FRMPD4: variants seen among roughly 807,000 people sequenced by gnomAD.
FRMPD4 encodes FERM and PDZ domain containing 4.
In FRMPD4, 22 loss-of-function variants were observed where a neutral mutation model predicts 94.1. The ratio of observed to expected loss-of-function variants is 0.23; its 90% CI spans 0.17 to 0.33. FRMPD4 has a LOEUF of 0.33. Ranked by LOEUF, FRMPD4 falls within the 10% of genes least tolerant of loss-of-function variation. The probability of loss-of-function intolerance (pLI) is 1.00; values close to 1 mark genes in which losing one functional copy is unlikely to be tolerated. For synonymous variants in FRMPD4, 631 were observed against 548.6 expected (o/e 1.15, Z -2.10); for missense variants, 1,111 against 1,339.9 (o/e 0.83, Z 2.67).
Position 12,231,143 on chromosome X carries a change from G to A in FRMPD4, c.41+92131G>A, listed in dbSNP as rs1025937721. 8.9e-5 allele frequency among the ~76,000 whole-genome samples: 8 copies of A among 89,704 alleles called. No homozygotes were observed. In the South Asian group the frequency reaches 1.7e-3, roughly 19 times the overall value. The allele number at this position is 89,704 out of a possible 115,157, so 77.9% of individuals were successfully genotyped here. On this transcript the variant is annotated intron_variant, in intron 1 of 16. Coordinates refer to ENST00000675598, the MANE Select transcript of FRMPD4 (RefSeq NM_001368397.1). ...CGGCTCACTGCAGACTCGACCTGCC[G>A]GGCCCAAGCAATCCTCCTGCCTCAG...
chrX:12,321,631 G>A (rs947846197), intron 1 of FRMPD4, among the ~76,000 whole-genome samples: 1 of 111,837 alleles, frequency 8.9e-6, no homozygotes, highest in Non-Finnish European at 1.9e-5. Context: ...CTTACAATGC[G>A]TTTATTGGGA....
chrX:12,502,619 T>G lies in FRMPD4; in HGVS notation c.158+3823T>G, dbSNP rs761959925. On this transcript the variant is annotated intron_variant, in intron 2 of 16. Coordinates refer to ENST00000675598, the MANE Select transcript of FRMPD4 (RefSeq NM_001368397.1). ...AGATGTAGGTATAGATGGAGAGGGA[T>G]GTAGATATATTATAGATCCAATCAT... Among the ~76,000 whole-genome samples, 12 of 111,779 alleles carry G rather than the reference T, an allele frequency of 1.1e-4. No individual in the cohort carries two copies. The South Asian group carries it at 4.1e-3, about 39-fold the overall frequency.
At chrX:11,927,146 C>G (rs1463935042) in intron 3 of FRMPD4, among the ~76,000 whole-genome samples, 2 of 107,394 alleles carry the variant, frequency 1.9e-5, no homozygotes, top group Non-Finnish European at 3.9e-5. Flanking sequence ...TTCACAATTG[C>G]CACAAAAAAA....
intron 1 of FRMPD4, among the ~76,000 whole-genome samples, chrX:12,410,954 A>C (rs769005104): frequency 2.5e-4 from 28 of 112,074 alleles, no homozygotes; most frequent in African/African-American, 8.4e-4. Flanking sequence ...TATAAGCAAA[A>C]TAGAATTGTT....
intron 3 of FRMPD4, among the ~76,000 whole-genome samples, chrX:11,888,365 T>G (rs1050211881): frequency 8.9e-6 from 1 of 112,265 alleles, no homozygotes; most frequent in Non-Finnish European, 1.9e-5. Flanking sequence ...TATTCATATT[T>G]CTATAGCATA....
intron 1 of FRMPD4, among the ~76,000 whole-genome samples, chrX:12,365,318 C>T (rs1334832590): frequency 8.9e-6 from 1 of 111,810 alleles, no homozygotes; most frequent in Non-Finnish European, 1.9e-5. Flanking sequence ...ATACACCTCT[C>T]AGCCCAGGCC....
intron 3 of FRMPD4, among the ~76,000 whole-genome samples, chrX:12,090,732 C>A (rs1287890916): frequency 8.9e-6 from 1 of 112,104 alleles, no homozygotes; most frequent in African/African-American, 3.2e-5. Context: ...TCTGAAATGG[C>A]CAGAAAGTAC....
chrX:12,080,551 A>G (rs1364171306), intron 3 of FRMPD4, among the ~76,000 whole-genome samples: 1 of 112,451 alleles, frequency 8.9e-6, no homozygotes, highest in African/African-American at 3.2e-5. Context: ...AACTAGACAC[A>G]AAGCTCTCAG....
chrX:12,454,042 A>G (rs753858695), intron 1 of FRMPD4, among the ~76,000 whole-genome samples: 1 of 112,496 alleles, frequency 8.9e-6, no homozygotes, highest in South Asian at 3.7e-4. Context: ...CAGATTTGCT[A>G]CTTGTCCAGG....
rs754460993 is a variant in FRMPD4, at chrX:12,701,869, C to G, written c.934-5C>G. Reference sequence around the variant, plus strand: ...AAGCTGTGCCCCCTGCTGGTCTCTTCGCAGAGTTGTAACGATGTGGTTCAG... The same window carrying G: ...AAGCTGTGCCCCCTGCTGGTCTCTTGGCAGAGTTGTAACGATGTGGTTCAG... On this transcript the variant is annotated splice_polypyrimidine_tract_variant and splice_region_variant and intron_variant, in intron 9 of 16. Coordinates refer to ENST00000675598, the MANE Select transcript of FRMPD4 (RefSeq NM_001368397.1). 5.8e-6 allele frequency: 7 copies of G among 1,210,843 alleles called. No individual in the cohort carries two copies. The highest frequency in any genetic ancestry group is 7.8e-6 in the Non-Finnish European group (7 of 894,562).
At chrX:12,489,499 G>T (rs1311035117) in intron 1 of FRMPD4, among the ~76,000 whole-genome samples, 1 of 112,234 alleles carries the variant, frequency 8.9e-6, no homozygotes, top group East Asian at 2.8e-4. Context: ...ATGTGAAGAT[G>T]AATTTTATCT....
At chrX:12,236,746 A>C (rs1239388826) in intron 1 of FRMPD4, among the ~76,000 whole-genome samples, 2 of 112,116 alleles carry the variant, frequency 1.8e-5, no homozygotes, top group Non-Finnish European at 3.8e-5. Context: ...TGACTTAGGA[A>C]ATACTGGGTT....
intron 1 of FRMPD4, among the ~76,000 whole-genome samples, chrX:12,449,582 G>A: frequency 8.9e-6 from 1 of 112,164 alleles, no homozygotes; most frequent in East Asian, 2.8e-4. Context: ...CACTTATTTA[G>A]TACAGGATAA....
chrX:12,616,561 G>A (rs1485038884), intron 4 of FRMPD4, among the ~76,000 whole-genome samples: 1 of 112,143 alleles, frequency 8.9e-6, no homozygotes, highest in African/African-American at 3.2e-5. Context: ...CACAGGAGCA[G>A]ACACTGAGAC....
At chrX:11,844,409 T>G (rs1321458908) in intron 1 of FRMPD4, among the ~76,000 whole-genome samples, 4 of 111,177 alleles carry the variant, frequency 3.6e-5, no homozygotes, top group African/African-American at 1.3e-4. Context: ...TTTATCTTTT[T>G]CCAGCTCTTC....
intron 3 of FRMPD4, among the ~76,000 whole-genome samples, chrX:11,976,969 A>T (rs1299280310): frequency 1.8e-5 from 2 of 111,558 alleles, no homozygotes; most frequent in Admixed American, 9.5e-5. Context: ...ATGGGATCAT[A>T]TTTATTGAAG....
intron 1 of FRMPD4, among the ~76,000 whole-genome samples, chrX:12,416,417 C>G (rs1398516142): frequency 8.9e-6 from 1 of 112,139 alleles, no homozygotes; most frequent in Admixed American, 9.4e-5. Flanking sequence ...TCCATTGTTA[C>G]TTTGTTAATT....
At chrX:11,932,443 T>C (rs2054127328) in intron 3 of FRMPD4, among the ~76,000 whole-genome samples, 1 of 111,510 alleles carries the variant, frequency 9.0e-6, no homozygotes, top group African/African-American at 3.3e-5. Flanking sequence ...GTACTATTGC[T>C]TTAATATTAT....
At chrX:12,522,583 ATTTTC>A (rs1248460764) in intron 2 of FRMPD4, among the ~76,000 whole-genome samples, 1 of 82,461 alleles carries the variant, frequency 1.2e-5, no homozygotes, top group African/African-American at 4.8e-5. Context: ...ATGGCAATTG[ATTTTC>A]TTTTCCTTTT....
Sources: allele counts gnomAD v4.1 joint callset (sites outside exome capture counted in the v4.1 genomes callset), GRCh38; gene constraint gnomAD v4.1.1; transcripts MANE v1.5; gene names NCBI Gene and HGNC (gene_info 2026-07-23, HGNC 2026-07-21).